Variants in EYS observed in about 807,000 individuals in gnomAD.
EYS encodes EGF-like photoreceptor maintenance factor.
EYS carries 250 observed loss-of-function variants against 282.1 expected under a neutral mutation model. The ratio of observed to expected loss-of-function variants is 0.89; its 90% CI spans 0.80 to 0.98. The LOEUF is 0.98. Ranked by LOEUF, EYS falls within the 50% of genes least tolerant of loss-of-function variation. The probability of loss-of-function intolerance (pLI) is 0.00; values close to 1 mark genes in which losing one functional copy is unlikely to be tolerated. For synonymous variants in EYS, 1,355 were observed against 1,282.9 expected, an observed-to-expected ratio of 1.06 and a Z score of -1.20; for missense variants, 4,016 against 3,709.0, an observed-to-expected ratio of 1.08 and a Z score of -2.15.
intron 22 of EYS, among the ~76,000 whole-genome samples, chr6:64,805,947 ATTATGAGATGAAATTGTAAAAAAAATCT>A (rs1764408789): frequency 1.3e-5 from 2 of 151,608 alleles, no homozygotes; most frequent in African/African-American, 4.8e-5. Context: ...AGATTTCATT[ATTATGAGATGAAATTGTAAAAAAAATCT>A]TACATGTGAA....
chr6:64,187,661 G>T (rs1482706665), intron 31 of EYS, among the ~76,000 whole-genome samples: 1 of 152,048 alleles, frequency 6.6e-6, no homozygotes, highest in African/African-American at 2.4e-5. Context: ...CATGTAATCA[G>T]AATTCAGCTG....
chr6:65,400,872 T>A (rs2150362784), intron 7 of EYS, among the ~76,000 whole-genome samples: 1 of 152,076 alleles, frequency 6.6e-6, no homozygotes, highest in Admixed American at 6.6e-5. Flanking sequence ...GAAGAGTAGT[T>A]AAACTAGTTG....
At chr6:64,376,614 G>A (rs529165993) in intron 29 of EYS, among the ~76,000 whole-genome samples, 5 of 152,150 alleles carry the variant, frequency 3.3e-5, no homozygotes, top group East Asian at 3.9e-4. Context: ...TAGGATAATC[G>A]CATTCCTTTT....
chr6:65,680,132 AT>A (rs1190672359), intron 1 of EYS, among the ~76,000 whole-genome samples: 1 of 149,938 alleles, frequency 6.7e-6, no homozygotes, highest in Non-Finnish European at 1.5e-5. Flanking sequence ...AATGTTCTCA[AT>A]CAATATAAGT....
chr6:65,164,292 A>C (rs2150223449), intron 12 of EYS, among the ~76,000 whole-genome samples: 1 of 151,432 alleles, frequency 6.6e-6, no homozygotes, highest in African/African-American at 2.4e-5. Context: ...AAATTAATTT[A>C]GGTCAAGTTA....
chr6:64,091,371 C>A (rs78045103), intron 31 of EYS, among the ~76,000 whole-genome samples: 1 of 152,110 alleles, frequency 6.6e-6, no homozygotes, highest in East Asian at 1.9e-4. Flanking sequence ...TCTTCCCTCA[C>A]CCCCAGATTA....
At chr6:64,464,878 A>T (rs904713379) in intron 26 of EYS, among the ~76,000 whole-genome samples, 4 of 152,038 alleles carry the variant, frequency 2.6e-5, no homozygotes, top group Non-Finnish European at 5.9e-5. Flanking sequence ...AGATAAAAAT[A>T]AAAATGTTTT....
chr6:65,005,208 G>T (rs888961037), intron 13 of EYS, among the ~76,000 whole-genome samples: 1 of 148,058 alleles, frequency 6.8e-6, no homozygotes, highest in Non-Finnish European at 1.5e-5. Flanking sequence ...CCAGCGAGGC[G>T]CCCATTGCCA....
At chr6:64,359,818 C>G (rs527827956) in intron 29 of EYS, among the ~76,000 whole-genome samples, 4 of 151,650 alleles carry the variant, frequency 2.6e-5, no homozygotes, top group Admixed American at 1.3e-4. Context: ...TGGTCACTTC[C>G]CCATTTCCAA....
chr6:64,390,081 C>A (rs970077488), intron 28 of EYS, among the ~76,000 whole-genome samples: 12 of 152,054 alleles, frequency 7.9e-5, no homozygotes, highest in Non-Finnish European at 1.3e-4. Context: ...TAAAAAACGG[C>A]ACATCACGAG....
At chr6:64,081,730 G>T (rs1290446211) in intron 32 of EYS, 126 bp downstream of exon 32, 2 of 709,086 alleles carry the variant, frequency 2.8e-6, no homozygotes, top group East Asian at 3.1e-5. Flanking sequence ...TTTCTCTTTG[G>T]TAATGCTTCA....
intron 4 of EYS, among the ~76,000 whole-genome samples, chr6:65,494,121 A>G (rs536978774): frequency 1.3e-5 from 2 of 152,266 alleles, no homozygotes; most frequent in African/African-American, 2.4e-5. Flanking sequence ...ATATTTCACT[A>G]TTAAACATGT....
chr6:65,103,579 C>A (rs1774952781), intron 12 of EYS, among the ~76,000 whole-genome samples: 1 of 151,410 alleles, frequency 6.6e-6, no homozygotes, highest in African/African-American at 2.4e-5. Flanking sequence ...AGTGACATAT[C>A]AATTTAAATA....
chr6:64,728,483 C>T (rs1005924579), intron 22 of EYS, among the ~76,000 whole-genome samples: 1 of 152,156 alleles, frequency 6.6e-6, no homozygotes, highest in South Asian at 2.1e-4. Flanking sequence ...TACAGGCGCC[C>T]GCCACCATGC....
intron 14 of EYS, among the ~76,000 whole-genome samples, chr6:64,981,228 C>T (rs191477097): frequency 9.3e-5 from 14 of 151,272 alleles, no homozygotes; most frequent in African/African-American, 2.4e-4. Context: ...AAAAAGAATA[C>T]GTAAAGCTAC....
chr6:64,669,928 C>T (rs1769384985), intron 22 of EYS, among the ~76,000 whole-genome samples: 1 of 152,112 alleles, frequency 6.6e-6, no homozygotes, highest in Non-Finnish European at 1.5e-5. Flanking sequence ...TGTTTAAGTT[C>T]CTCACCTTCC....
At chr6:65,129,701 A>G (rs1775814803) in intron 12 of EYS, among the ~76,000 whole-genome samples, 1 of 151,940 alleles carries the variant, frequency 6.6e-6, no homozygotes, top group African/African-American at 2.4e-5. Flanking sequence ...TAAAACACTT[A>G]TACATAGTTG....
intron 1 of EYS, among the ~76,000 whole-genome samples, chr6:65,664,769 T>A (rs1768141615): frequency 6.6e-6 from 1 of 152,192 alleles, no homozygotes; most frequent in Non-Finnish European, 1.5e-5. Context: ...TAAACAGAGA[T>A]CCTTTTAATA....
In EYS at chr6:65,693,648, G is replaced by A. The variant is rs533370254; in HGVS notation, c.-448+13487C>T. ...GATTTGGAAAATTATAGAATTTCAA[G>A]TATAAAGATAATGACAGAGAAAATT... On this transcript the variant is annotated intron_variant, in intron 1 of 42. Coordinates refer to ENST00000503581, the MANE Select transcript of EYS (RefSeq NM_001142800.2). 2.5e-4 allele frequency among the ~76,000 whole-genome samples: 38 copies of A among 150,072 alleles called. 2 individuals are homozygous for A. Among genetic ancestry groups the A allele is most frequent in the African/African-American group, 8.5e-4 (35 of 41,240 alleles).
Sources: gnomAD v4.1 joint callset for allele counts (sites outside exome capture counted in the v4.1 genomes callset) on GRCh38, gnomAD v4.1.1 for gene constraint, MANE v1.5 for transcripts, NCBI Gene and HGNC (gene_info 2026-07-23, HGNC 2026-07-21) for gene names.